Variants in DST observed in about 807,000 individuals in gnomAD.
The protein encoded by DST is bullous pemphigoid antigen.
In DST, 253 loss-of-function variants were observed where a neutral mutation model predicts 875.2. The ratio of observed to expected loss-of-function variants is 0.29; its 90% CI spans 0.26 to 0.32. The LOEUF (loss-of-function observed/expected upper bound fraction) is 0.32. DST is among the 10% of genes least tolerant of loss of function. The probability of loss-of-function intolerance (pLI) is 1.00; values close to 1 mark genes in which losing one functional copy is unlikely to be tolerated. For synonymous variants in DST, 3,124 were observed against 3,197.1 expected (o/e 0.98, Z 0.77); for missense variants, 8,287 against 9,111.6 (o/e 0.91, Z 3.68).
chr6:56,593,957 G>C lies in DST; in HGVS notation c.12432C>G (p.Thr4144=). 3 of 1,613,818 alleles carry C rather than the reference G, an allele frequency of 1.9e-6. No individual in the cohort carries two copies. Among genetic ancestry groups the C allele is most frequent in the South Asian group, 2.2e-5 (2 of 91,036 alleles). Residue 4144 remains threonine, a synonymous_variant, in exon 48 of 104, where the codon ACC becomes ACG. Transcript: ENST00000680361. ...EELEKFDADY[T]EFEHWLQQSE... ...ACTGCTGTAGCCAGTGCTCAAACTCGGTATAGTCAGCATCAAACTTTTCTA... is the reference window on the plus strand; with the variant it reads ...ACTGCTGTAGCCAGTGCTCAAACTCCGTATAGTCAGCATCAAACTTTTCTA...
chr6:56,668,526 G>A (rs2099083347), intron 10 of DST, among the ~76,000 whole-genome samples: 1 of 152,128 alleles, frequency 6.6e-6, no homozygotes. Context: ...CGGATCACCT[G>A]AGGTAAGGAG....
rs769386960 is a variant in DST, at chr6:56,601,525, A to G, written c.11459T>C (p.Leu3820Pro). ...GGTAGTTACTGACTCCTGTACATCA[A>G]GAAAACACTTCTGAGTTGTATTTAA... is the stretch of plus-strand genomic sequence containing the variant. The part of the protein sequence containing the change: ...RLLNTTQKCF[L>P]DVQESVTTQV... The change falls in exon 44 of 104, where the codon CTT (leucine) becomes CCT (proline). Residue 3820 changes from leucine to proline, a missense_variant. Physicochemically the swap from Leu to Pro is moderately conservative, Grantham distance 98 (BLOSUM62 -3). Transcript: ENST00000680361. The G allele has an allele frequency of 6.2e-7, 1 of 1,606,588 alleles. No individual in the cohort carries two copies. The highest frequency in any genetic ancestry group is 8.5e-7 in the Non-Finnish European group (1 of 1,176,702).
At chr6:56,497,799 C>A in intron 81 of DST, 57 bp downstream of exon 81, 1 of 1,413,876 alleles carries the variant, frequency 7.1e-7, no homozygotes, top group East Asian at 2.4e-5. Flanking sequence ...AAAAGAATTC[C>A]ATGCTATTTT....
At chr6:56,696,345 A>G (rs1230808958) in intron 9 of DST, among the ~76,000 whole-genome samples, 1 of 152,110 alleles carries the variant, frequency 6.6e-6, no homozygotes, top group African/African-American at 2.4e-5. Flanking sequence ...TATTTTCAGT[A>G]GAGACCAGGT....
In DST at chr6:56,606,474, T is replaced by C. The variant is rs751207243; in HGVS notation, c.8154A>G (p.Gly2718=). 11 of 1,613,280 alleles carry C rather than the reference T, an allele frequency of 6.8e-6. No homozygotes were observed. The highest frequency in any genetic ancestry group is 9.3e-6 in the Non-Finnish European group (11 of 1,179,568). ...LNPVGSDKVN[G]QSLETGSERE... ...TTTCTGATCCAGTTTCCAGTGACTG[T>C]CCATTCACCTTATCTGAGCCAACAG... Residue 2718 remains glycine, a synonymous_variant, in exon 40 of 104, where the codon GGA becomes GGG. Transcript: ENST00000680361.
chr6:56,464,471 T>C, intron 100 of DST: 1 of 569,172 alleles, frequency 1.8e-6, no homozygotes, highest in East Asian at 2.8e-5. Flanking sequence ...CGTGTTAGCA[T>C]GTGTTTGATC....
At chr6:56,576,649 G>A (rs2097867925) in intron 50 of DST, among the ~76,000 whole-genome samples, 1 of 152,110 alleles carries the variant, frequency 6.6e-6, no homozygotes, top group Non-Finnish European at 1.5e-5. Context: ...AGAGTGAGTA[G>A]CAAAAAGAAT....
intron 10 of DST, among the ~76,000 whole-genome samples, chr6:56,659,519 C>T (rs1264086765): frequency 3.3e-5 from 5 of 152,014 alleles, no homozygotes; most frequent in African/African-American, 1.2e-4. Flanking sequence ...GAAGAGGAGG[C>T]CTGAAAAATA....
intron 9 of DST, chr6:56,693,367 C>T (rs2099244973): frequency 8.8e-7 from 1 of 1,130,766 alleles, no homozygotes; most frequent in Non-Finnish European, 1.1e-6. Context: ...TCATTAGACA[C>T]TGTGGCTTAT....
chr6:56,468,300 ATTGAC>A (rs138886491), intron 98 of DST, among the ~76,000 whole-genome samples: 6,104 of 152,316 alleles, frequency 0.04, 119 homozygotes, highest in South Asian at 0.067. Context: ...AACATTTTAT[ATTGAC>A]TTAAGTGCCA....
intron 4 of DST, among the ~76,000 whole-genome samples, chr6:56,818,312 A>G (rs2099769059): frequency 6.6e-6 from 1 of 152,040 alleles, no homozygotes; most frequent in African/African-American, 2.4e-5. Flanking sequence ...GAGGGAAAGC[A>G]GGGGGGGAAC....
intron 2 of DST, among the ~76,000 whole-genome samples, chr6:56,938,108 C>CTCTCTCTCTCTCTCTCTCTCTA (rs1383243392): frequency 8.3e-6 from 1 of 120,728 alleles, no homozygotes; most frequent in Admixed American, 8.2e-5. Flanking sequence ...CTCTCTCTCT[C>CTCTCTCTCTCTCTCTCTCTCTA]TATATATATA....
At chr6:56,912,456 T>C (rs1437971210) in intron 2 of DST, among the ~76,000 whole-genome samples, 1 of 152,246 alleles carries the variant, frequency 6.6e-6, no homozygotes, top group Non-Finnish European at 1.5e-5. Context: ...AAAACATTTG[T>C]GTTCTCACAG....
intron 4 of DST, among the ~76,000 whole-genome samples, chr6:56,830,813 T>G (rs1332357239): frequency 6.6e-6 from 1 of 152,254 alleles, no homozygotes. Flanking sequence ...ATTCAACTGC[T>G]GTTTACTTAA....
chr6:56,945,899 A>G (rs1592815163), intron 2 of DST: 1 of 151,950 alleles, frequency 6.6e-6, no homozygotes, highest in Non-Finnish European at 1.5e-5. Context: ...TGAAGGAAGG[A>G]GGGGAATAGG....
intron 63 of DST, among the ~76,000 whole-genome samples, chr6:56,532,737 T>C (rs779894885): frequency 1.2e-4 from 18 of 152,148 alleles, no homozygotes; most frequent in Middle Eastern, 3.2e-3. Flanking sequence ...AAAACTAATA[T>C]TGGTAAGGCC....
intron 36 of DST, chr6:56,615,479 C>T: frequency 6.2e-7 from 1 of 1,613,440 alleles, no homozygotes. Flanking sequence ...ATGAACCAGC[C>T]TGCATCACCC....
At chr6:56,812,769 C>T (rs1422971474) in intron 4 of DST, among the ~76,000 whole-genome samples, 3 of 152,174 alleles carry the variant, frequency 2.0e-5, no homozygotes, top group Admixed American at 2.0e-4. Flanking sequence ...AATAGGAACA[C>T]TTTTACACTG....
intron 34 of DST, 21 bp downstream of exon 34, chr6:56,627,183 A>G (rs2098742748): frequency 1.3e-6 from 2 of 1,553,906 alleles, no homozygotes; most frequent in African/African-American, 1.4e-5. Context: ...AAATTTTACT[A>G]AAGTTAATGA....
Sources: allele counts gnomAD v4.1 joint callset (sites outside exome capture counted in the v4.1 genomes callset), GRCh38; gene constraint gnomAD v4.1.1; transcripts MANE v1.5; gene names NCBI Gene and HGNC (gene_info 2026-07-23, HGNC 2026-07-21).